Variants in PPP2R3A observed in about 807,000 individuals in gnomAD.
PPP2R3A encodes the protein protein phosphatase 2 regulatory subunit B''alpha.
PPP2R3A carries 80 observed loss-of-function variants against 106.9 expected under a neutral mutation model. That is an observed-to-expected ratio of 0.75 (90% CI 0.62 to 0.90). The LOEUF (loss-of-function observed/expected upper bound fraction) is 0.90. Ranked by LOEUF, PPP2R3A falls within the 40% of genes least tolerant of loss-of-function variation. The probability of loss-of-function intolerance (pLI) is 0.00; values close to 1 mark genes in which losing one functional copy is unlikely to be tolerated. For synonymous variants in PPP2R3A, 483 were observed against 468.3 expected, an observed-to-expected ratio of 1.03 and a Z score of -0.41; for missense variants, 1,386 against 1,350.4, an observed-to-expected ratio of 1.03 and a Z score of -0.41.
intron 1 of PPP2R3A, among the ~76,000 whole-genome samples, chr3:135,995,988 C>A (rs1933382067): frequency 6.6e-6 from 1 of 152,068 alleles, no homozygotes; most frequent in Admixed American, 6.5e-5. Flanking sequence ...CTGCTATGAT[C>A]TTTGGGAATT....
intron 2 of PPP2R3A, among the ~76,000 whole-genome samples, chr3:136,009,827 A>G (rs1420727114): frequency 6.6e-6 from 1 of 152,096 alleles, no homozygotes; most frequent in Non-Finnish European, 1.5e-5. Context: ...CCCTCATTTC[A>G]TGGTACCCAC....
chr3:136,023,255 T>C, intron 2 of PPP2R3A: 8 of 1,467,974 alleles, frequency 5.4e-6, no homozygotes, highest in Non-Finnish European at 5.6e-6. Context: ...TTGAAAATAT[T>C]TTTATTACTA....
At chr3:136,010,396 G>A (rs572816880) in intron 2 of PPP2R3A, among the ~76,000 whole-genome samples, 4 of 138,652 alleles carry the variant, frequency 2.9e-5, no homozygotes, top group South Asian at 2.3e-4. Flanking sequence ...GACTACAGGC[G>A]CATGCCATCA....
chr3:135,990,489 G>A (rs79510974), intron 1 of PPP2R3A, among the ~76,000 whole-genome samples: 342 of 152,178 alleles, frequency 2.2e-3, no homozygotes, highest in Middle Eastern at 6.8e-3. Context: ...CAAACAAGCC[G>A]TGTTTGTTTT....
At position 136,090,591 on chromosome 3, in the gene PPP2R3A, C is replaced by G. The variant is rs545305648; in HGVS notation, c.2851C>G (p.Gln951Glu). The G allele has an allele frequency of 3.8e-5, 61 of 1,612,856 alleles. No individual in the cohort carries two copies. The East Asian group carries it at 1.3e-3, about 34-fold the overall frequency. ...TGTTTTCTTTAGGGGAAAAACAATA[C>G]AGAAAGAGGGAAGAATGAGCTATGC... The part of the protein sequence containing the change: ...SGAVTRGKTI[Q>E]KEGRMSYADF... Residue 951 changes from glutamine (Q) to glutamate (E), a missense_variant, in exon 10 of 14, where the codon CAG (glutamine) becomes GAG (glutamate). Coordinates refer to ENST00000264977, the MANE Select transcript of PPP2R3A (RefSeq NM_002718.5).
At chr3:136,046,416 T>TGCACTCC (rs1559887142) in intron 4 of PPP2R3A, among the ~76,000 whole-genome samples, 1 of 150,652 alleles carries the variant, frequency 6.6e-6, no homozygotes. Flanking sequence ...GTTGCGCTGT[T>TGCACTCC]GCACTCCAGC....
intron 13 of PPP2R3A, among the ~76,000 whole-genome samples, chr3:136,137,313 C>T (rs1938657153): frequency 6.6e-6 from 1 of 151,918 alleles, no homozygotes. Flanking sequence ...GTTCAATGAT[C>T]CAGGGATAAC....
At chr3:135,995,252 T>C (rs1374619874) in intron 1 of PPP2R3A, among the ~76,000 whole-genome samples, 1 of 152,148 alleles carries the variant, frequency 6.6e-6, no homozygotes, top group African/African-American at 2.4e-5. Flanking sequence ...AAGTAGTCTG[T>C]TGTATTAGGG....
In PPP2R3A at chr3:136,131,961, A is replaced by G. The variant is rs181443036; in HGVS notation, c.3330-13082A>G. Among the ~76,000 whole-genome samples the G allele has an allele frequency of 1.1e-3, 159 of 140,478 alleles. 1 individual carries two copies. The highest frequency in any genetic ancestry group is 3.9e-3 in the African/African-American group (151 of 38,514). 92.2% of individuals were successfully genotyped at this position (140,478 alleles called of 152,430 possible). On this transcript the variant is annotated intron_variant, in intron 13 of 13. Transcript: ENST00000264977. ...CTCACTCATAGGTGGGAATTGAACA[A>G]TGAGAACATATGGACACAGGGCGGG...
intron 6 of PPP2R3A, among the ~76,000 whole-genome samples, chr3:136,077,619 A>G (rs1936640482): frequency 6.6e-6 from 1 of 151,720 alleles, no homozygotes; most frequent in Non-Finnish European, 1.5e-5. Context: ...CTGCAGGTAA[A>G]ATTGTTAAGA....
At chr3:136,117,985 C>G (rs149095361) in intron 13 of PPP2R3A, among the ~76,000 whole-genome samples, 1 of 152,288 alleles carries the variant, frequency 6.6e-6, no homozygotes, top group Admixed American at 6.5e-5. Context: ...CAATAAAATA[C>G]TGGCAAACTG....
At chr3:135,987,527 A>G (rs1235187245) in intron 1 of PPP2R3A, among the ~76,000 whole-genome samples, 1 of 152,142 alleles carries the variant, frequency 6.6e-6, no homozygotes, top group Non-Finnish European at 1.5e-5. Context: ...GACACTACCA[A>G]GTCTTCCAAG....
intron 5 of PPP2R3A, among the ~76,000 whole-genome samples, chr3:136,064,329 A>G (rs1210523328): frequency 6.6e-6 from 1 of 151,554 alleles, no homozygotes; most frequent in Non-Finnish European, 1.5e-5. Context: ...ATGACGAGTT[A>G]CTGGGTGCAG....
chr3:136,003,345 C>T lies in PPP2R3A; in HGVS notation c.1847C>T (p.Ser616Leu). ...VECKSSRGSL[S>L]QEKEMMQILQ... The stretch of plus-strand genomic sequence containing the variant: ...TGCAAATCAAGCAGAGGGAGCCTAT[C>T]ACAAGAAAAGGAAATGATGCAAATT... The change falls in exon 2 of 14, where the codon TCA (serine) becomes TTA (leucine). Residue 616 changes from serine (S) to leucine (L), a missense_variant. Coordinates refer to ENST00000264977, the MANE Select transcript of PPP2R3A (RefSeq NM_002718.5). 1 of 1,613,944 alleles carries T rather than the reference C, an allele frequency of 6.2e-7. No individual in the cohort carries two copies.
At chr3:136,115,680 CAA>C (rs1937721121) in intron 13 of PPP2R3A, among the ~76,000 whole-genome samples, 1 of 150,366 alleles carries the variant, frequency 6.7e-6, no homozygotes, top group African/African-American at 2.4e-5. Flanking sequence ...TGAAATAAAA[CAA>C]GAAGATTAGA....
At chr3:136,083,792 T>A (rs1936852901) in intron 8 of PPP2R3A, among the ~76,000 whole-genome samples, 1 of 151,998 alleles carries the variant, frequency 6.6e-6, no homozygotes, top group African/African-American at 2.4e-5. Flanking sequence ...TGATCTCAGG[T>A]GGAGATGAGG....
intron 1 of PPP2R3A, among the ~76,000 whole-genome samples, chr3:135,985,571 A>G (rs911180439): frequency 6.6e-6 from 1 of 152,104 alleles, no homozygotes; most frequent in African/African-American, 2.4e-5. Context: ...GTAGTCTTAC[A>G]CCTAATGTAT....
At chr3:136,129,644 G>A (rs1437291234) in intron 13 of PPP2R3A, among the ~76,000 whole-genome samples, 4 of 152,078 alleles carry the variant, frequency 2.6e-5, no homozygotes, top group Non-Finnish European at 1.5e-5. Flanking sequence ...AGAAAAAGAG[G>A]GAATCCTTTC....
rs199994346 is a variant in PPP2R3A, at chr3:136,109,678, ACC to A, written c.3329+3357_3329+3358del. On this transcript the variant is annotated intron_variant, in intron 13 of 13. Transcript: ENST00000264977. ...AACTAGCATTAATATAGTAATATAG[ACC>A]AGCATTAGACTCAGCATCTGAGTTA... 8.0e-3 allele frequency among the ~76,000 whole-genome samples: 1,211 copies of A among 152,324 alleles called. 7 individuals carry two copies. Among genetic ancestry groups the A allele is most frequent in the Middle Eastern group, 0.017 (5 of 294 alleles).
Sources: gnomAD v4.1 joint callset for allele counts (sites outside exome capture counted in the v4.1 genomes callset) on GRCh38, gnomAD v4.1.1 for gene constraint, MANE v1.5 for transcripts, NCBI Gene and HGNC (gene_info 2026-07-23, HGNC 2026-07-21) for gene names.